NBAS: variants seen among roughly 807,000 people sequenced by gnomAD.
NBAS encodes the protein NAG/BC035112 fusion.
NBAS carries 219 observed loss-of-function variants against 302.5 expected under a neutral mutation model. The observed-to-expected ratio is 0.72, with a 90% CI of 0.65 to 0.81. NBAS has a LOEUF of 0.81. Ranked by LOEUF, NBAS falls within the 30% of genes least tolerant of loss-of-function variation. The probability of loss-of-function intolerance (pLI) is 0.00; values close to 1 mark genes in which losing one functional copy is unlikely to be tolerated. For missense variants in NBAS, 2,932 were observed against 2,841.6 expected, an observed-to-expected ratio of 1.03 and a Z score of -0.72; for synonymous variants, 1,118 against 1,021.6, an observed-to-expected ratio of 1.09 and a Z score of -1.80.
intron 38 of NBAS, among the ~76,000 whole-genome samples, chr2:15,318,046 T>A (rs1018971582): frequency 6.6e-6 from 1 of 152,114 alleles, no homozygotes; most frequent in African/African-American, 2.4e-5. Flanking sequence ...TAACAGCAGA[T>A]CTCTTGGAAG....
At chr2:14,848,335 G>C in the NBAS span, among the ~76,000 whole-genome samples, 3 of 144,670 alleles carry the variant, frequency 2.1e-5, no homozygotes, top group Admixed American at 2.0e-4. Context: ...CTGGAAAATC[G>C]GGTCACTCCC....
intron 6 of NBAS, among the ~76,000 whole-genome samples, chr2:15,547,868 G>A (rs1432812294): frequency 1.3e-5 from 2 of 152,260 alleles, no homozygotes; most frequent in East Asian, 1.9e-4. Flanking sequence ...ATTCAAAAAG[G>A]GCTAGAGCCC....
At chr2:15,399,885 C>A (rs6431696) in intron 26 of NBAS, among the ~76,000 whole-genome samples, 96,929 of 151,802 alleles carry the variant, frequency 0.64, 31,670 homozygotes, top group Middle Eastern at 0.69. Flanking sequence ...AGACAAGAGT[C>A]ATACCTTCAA....
intron 7 of NBAS, among the ~76,000 whole-genome samples, chr2:15,537,508 T>C (rs1204624229): frequency 6.6e-6 from 1 of 152,162 alleles, no homozygotes; most frequent in Non-Finnish European, 1.5e-5. Flanking sequence ...CTGGATGGGG[T>C]GGCTCACATC....
At chr2:15,503,311 C>T (rs775625821) in intron 11 of NBAS, among the ~76,000 whole-genome samples, 2 of 152,144 alleles carry the variant, frequency 1.3e-5, no homozygotes, top group Non-Finnish European at 2.9e-5. Context: ...TCCATATCCA[C>T]AGGTTCCACA....
the NBAS span, among the ~76,000 whole-genome samples, chr2:14,956,648 T>C: frequency 1.1e-4 from 16 of 152,264 alleles, no homozygotes; most frequent in African/African-American, 3.8e-4. Flanking sequence ...CTTCACATGG[T>C]GGCAGGGGAG....
intron 44 of NBAS, among the ~76,000 whole-genome samples, chr2:15,272,848 C>T (rs1256549493): frequency 1.3e-5 from 2 of 152,016 alleles, no homozygotes; most frequent in African/African-American, 2.4e-5. Flanking sequence ...CAGGGGTTGG[C>T]GGACATCTTG....
At chr2:15,102,460 G>C in the NBAS span, among the ~76,000 whole-genome samples, 1,143 of 152,302 alleles carry the variant, frequency 7.5e-3, 14 homozygotes, top group African/African-American at 0.025. Context: ...TACTTAACAA[G>C]TGCCAGGTAC....
the NBAS span, among the ~76,000 whole-genome samples, chr2:14,782,973 G>A: frequency 6.6e-6 from 1 of 152,102 alleles, no homozygotes; most frequent in African/African-American, 2.4e-5. Flanking sequence ...GAAGGTGGGA[G>A]GAGGGAGAAG....
At chr2:15,345,739 T>C (rs11902421) in intron 35 of NBAS, among the ~76,000 whole-genome samples, 1,902 of 152,284 alleles carry the variant, frequency 0.012, 35 homozygotes, top group African/African-American at 0.043. Flanking sequence ...GGCATCATGC[T>C]ACCTGACTTC....
chr2:15,342,673 A>G (rs1485645283), intron 35 of NBAS, among the ~76,000 whole-genome samples: 1 of 152,022 alleles, frequency 6.6e-6, no homozygotes, highest in African/African-American at 2.4e-5. Flanking sequence ...TTTGTCTTTC[A>G]CATATATTAA....
chr2:15,392,337 T>C (rs984240101), intron 28 of NBAS, among the ~76,000 whole-genome samples: 5 of 151,772 alleles, frequency 3.3e-5, no homozygotes, highest in African/African-American at 1.2e-4. Flanking sequence ...AAGATCTACC[T>C]TCCTGTGATA....
chr2:15,040,779 C>T, the NBAS span, among the ~76,000 whole-genome samples: 2 of 152,182 alleles, frequency 1.3e-5, no homozygotes, highest in Non-Finnish European at 2.9e-5. Context: ...TCAGACTTTG[C>T]TACCCATAAA....
chr2:15,502,960 C>A lies in NBAS; in HGVS notation c.954+1185G>T, dbSNP rs561840529. Among the ~76,000 whole-genome samples, 14 of 152,222 alleles carry A rather than the reference C, an allele frequency of 9.2e-5. 1 individual carries two copies. Among genetic ancestry groups the A allele is most frequent in the Admixed American group, 8.5e-4 (13 of 15,292 alleles). ...ACATACATCTGTATTAAAAAAATTT[C>A]TTTCTTTACATTCTTGTTCTACAAA... On this transcript the variant is annotated intron_variant, in intron 11 of 51. Coordinates refer to ENST00000281513, the MANE Select transcript of NBAS (RefSeq NM_015909.4).
the NBAS span, among the ~76,000 whole-genome samples, chr2:14,882,673 A>G: frequency 1.3e-5 from 2 of 152,174 alleles, no homozygotes; most frequent in Non-Finnish European, 2.9e-5. Flanking sequence ...CCACCAAATG[A>G]TTTCTCATCG....
chr2:15,363,569 T>A (rs73914845), intron 32 of NBAS, among the ~76,000 whole-genome samples: 1 of 152,206 alleles, frequency 6.6e-6, no homozygotes, highest in African/African-American at 2.4e-5. Context: ...ACCTCTTAAC[T>A]ATAAAATCCT....
chr2:15,188,492 C>T (rs1665191067), intron 49 of NBAS, among the ~76,000 whole-genome samples: 1 of 152,096 alleles, frequency 6.6e-6, no homozygotes, highest in African/African-American at 2.4e-5. Flanking sequence ...TTGATTTATG[C>T]CCTGGTTATC....
intron 21 of NBAS, among the ~76,000 whole-genome samples, chr2:15,437,814 C>T (rs1010217056): frequency 6.6e-6 from 1 of 151,978 alleles, no homozygotes; most frequent in African/African-American, 2.4e-5. Context: ...CAAAAATAGA[C>T]CAGAAAATAG....
the NBAS span, among the ~76,000 whole-genome samples, chr2:14,886,051 T>C: frequency 9.2e-5 from 14 of 152,248 alleles, no homozygotes; most frequent in African/African-American, 3.1e-4. Context: ...GCAGATCAAG[T>C]AACCCAGCCC....
Sources: allele counts gnomAD v4.1 joint callset (sites outside exome capture counted in the v4.1 genomes callset), GRCh38; gene constraint gnomAD v4.1.1; transcripts MANE v1.5; gene names NCBI Gene and HGNC (gene_info 2026-07-23, HGNC 2026-07-21).